IPPK: variants seen among roughly 807,000 people sequenced by gnomAD.
IPPK encodes IPK1 homolog.
In IPPK, 22 loss-of-function variants were observed where a neutral mutation model predicts 64.6. The observed-to-expected ratio is 0.34, with a 90% CI of 0.24 to 0.49. IPPK has a LOEUF of 0.49. Ranked by LOEUF, IPPK falls within the 20% of genes least tolerant of loss-of-function variation. IPPK has a pLI of 0.99. For synonymous variants in IPPK, 262 were observed against 247.2 expected, an observed-to-expected ratio of 1.06 and a Z score of -0.56; for missense variants, 532 against 630.7, an observed-to-expected ratio of 0.84 and a Z score of 1.68.
At chr9:92,653,429 G>C (rs1008951445) in intron 3 of IPPK, among the ~76,000 whole-genome samples, 7 of 152,086 alleles carry the variant, frequency 4.6e-5, no homozygotes, top group African/African-American at 1.7e-4. Context: ...GGCTGTGCCA[G>C]TTTCACTTCT....
At chr9:92,668,356 AG>A (rs1269710926) in intron 1 of IPPK, among the ~76,000 whole-genome samples, 2 of 152,218 alleles carry the variant, frequency 1.3e-5, no homozygotes, top group East Asian at 3.8e-4. Context: ...ATGCCTACTC[AG>A]GGAAGGGGGT....
chr9:92,620,404 TCTC>T (rs1213864256), intron 11 of IPPK: 2 of 152,192 alleles, frequency 1.3e-5, no homozygotes, highest in Non-Finnish European at 2.9e-5. Context: ...CTCACAACTG[TCTC>T]CTCTACAGAG....
chr9:92,615,784 T>C lies in IPPK; in HGVS notation c.*48A>G. 1 of 1,428,382 alleles carries C rather than the reference T, an allele frequency of 7.0e-7. No homozygotes were observed. Among genetic ancestry groups the C allele is most frequent in the South Asian group, 1.2e-5 (1 of 86,206 alleles). The allele number at this position is 1,428,382 out of a possible 1,614,324, so 88.5% of individuals were successfully genotyped here. A position where few individuals can be genotyped will look rare whatever the true frequency, so the allele number is the denominator to read the frequency against. On this transcript the variant is annotated 3_prime_UTR_variant, in exon 13 of 13. Transcript: ENST00000287996. ...ACACAACAGAAAATATCTCTATCAT[T>C]CAGCCTTCACATTATGTTCAAGTTT...
At chr9:92,640,180 G>A (rs1399957429) in intron 8 of IPPK, among the ~76,000 whole-genome samples, 1 of 152,186 alleles carries the variant, frequency 6.6e-6, no homozygotes, top group Non-Finnish European at 1.5e-5. Context: ...GACCCCAGAG[G>A]ATACATGTCT....
chr9:92,662,675 C>A (rs1191155079), intron 1 of IPPK, among the ~76,000 whole-genome samples: 1 of 152,108 alleles, frequency 6.6e-6, no homozygotes, highest in Non-Finnish European at 1.5e-5. Flanking sequence ...GAAGCTTCCA[C>A]CTTGGAAAAT....
chr9:92,652,623 G>C lies in IPPK; in HGVS notation c.242C>G (p.Pro81Arg). Residue 81 changes from proline (P) to arginine (R), a missense_variant, in exon 4 of 13, where the codon CCT becomes CGT. Transcript: ENST00000287996. The part of the protein sequence containing the change: ...YVHYGEVVQL[P>R]LEFVKQLCLK... ...ACAAAGCTGTTTCACAAACTCTAAAGGTAGCTGAACGACCTCCTGTAAGAA... is the reference window on the plus strand; with the variant it reads ...ACAAAGCTGTTTCACAAACTCTAAACGTAGCTGAACGACCTCCTGTAAGAA... 1 of 1,572,472 alleles carries C rather than the reference G, an allele frequency of 6.4e-7. No individual in the cohort carries two copies. Among genetic ancestry groups the C allele is most frequent in the Non-Finnish European group, 8.7e-7 (1 of 1,149,562 alleles).
chr9:92,659,262 C>T (rs945910729), intron 1 of IPPK, among the ~76,000 whole-genome samples: 1 of 152,152 alleles, frequency 6.6e-6, no homozygotes, highest in Non-Finnish European at 1.5e-5. Flanking sequence ...AAGGAAGGTT[C>T]TAGAAGGGAC....
At chr9:92,617,046 T>A (rs554468950) in intron 12 of IPPK, 1 of 152,356 alleles carries the variant, frequency 6.6e-6, no homozygotes, top group Non-Finnish European at 1.5e-5. Context: ...AGAATCCTGT[T>A]TGTAGAAAAA....
intron 1 of IPPK, among the ~76,000 whole-genome samples, chr9:92,662,483 A>T (rs1347308809): frequency 6.6e-6 from 1 of 151,902 alleles, no homozygotes; most frequent in African/African-American, 2.4e-5. Context: ...AGATTGTACC[A>T]TTGCACTCCA....
intron 8 of IPPK, 43 bp from the exon 9 acceptor site, chr9:92,638,323 G>A: frequency 6.3e-7 from 1 of 1,585,432 alleles, no homozygotes; most frequent in Non-Finnish European, 8.6e-7. Context: ...AAACCACCAA[G>A]CTTGTAGGAA....
At chr9:92,654,479 C>T (rs1285744703) in intron 3 of IPPK, among the ~76,000 whole-genome samples, 1 of 152,030 alleles carries the variant, frequency 6.6e-6, no homozygotes, top group Non-Finnish European at 1.5e-5. Context: ...CATGATCGCA[C>T]CACTGCACTC....
chr9:92,630,117 T>C (rs1851811683), intron 11 of IPPK, among the ~76,000 whole-genome samples: 2 of 152,266 alleles, frequency 1.3e-5, no homozygotes, highest in East Asian at 3.9e-4. Context: ...GCATTGAGCA[T>C]AATAGCCAAA....
intron 11 of IPPK, among the ~76,000 whole-genome samples, chr9:92,632,274 T>C (rs1234809349): frequency 6.6e-6 from 1 of 152,210 alleles, no homozygotes; most frequent in East Asian, 1.9e-4. Context: ...GTGTTTAGTG[T>C]GTAGGAACCT....
intron 4 of IPPK, among the ~76,000 whole-genome samples, chr9:92,650,326 C>CA (rs377142565): frequency 0.063 from 8,828 of 139,402 alleles, 338 homozygotes; most frequent in South Asian, 0.16. Context: ...GACTCCATCT[C>CA]AAAAAAAAAA....
At chr9:92,660,837 C>T (rs1852467819) in intron 1 of IPPK, among the ~76,000 whole-genome samples, 1 of 152,200 alleles carries the variant, frequency 6.6e-6, no homozygotes, top group Admixed American at 6.5e-5. Context: ...ACACACAAAA[C>T]CACTCACATA....
chr9:92,620,465 T>C (rs1359504542), intron 11 of IPPK: 1 of 152,246 alleles, frequency 6.6e-6, no homozygotes, highest in Non-Finnish European at 1.5e-5. Context: ...CTTTCATATA[T>C]GGTTTGCATT....
At chr9:92,633,957 G>T (rs1250685347) in intron 11 of IPPK, among the ~76,000 whole-genome samples, 1 of 152,226 alleles carries the variant, frequency 6.6e-6, no homozygotes, top group Non-Finnish European at 1.5e-5. Context: ...GACTCCTGCA[G>T]GCTGTCCCTT....
chr9:92,663,557 G>A (rs1038468713), intron 1 of IPPK, among the ~76,000 whole-genome samples: 3 of 152,162 alleles, frequency 2.0e-5, no homozygotes, highest in African/African-American at 7.2e-5. Context: ...CCTTCCTTCT[G>A]ATATTCTATA....
chr9:92,637,969 C>T (rs1474008701), intron 9 of IPPK, 32 bp downstream of exon 9: 1 of 1,498,872 alleles, frequency 6.7e-7, no homozygotes. Context: ...CCTGCGGCCC[C>T]CACCGCCTAC....
Sources: allele counts gnomAD v4.1 joint callset (sites outside exome capture counted in the v4.1 genomes callset), GRCh38; gene constraint gnomAD v4.1.1; transcripts MANE v1.5; gene names NCBI Gene and HGNC (gene_info 2026-07-23, HGNC 2026-07-21).